Variants in OCA2 observed in about 807,000 individuals in gnomAD.
OCA2 encodes OCA2 melanosomal transmembrane protein.
In OCA2, 77 loss-of-function variants were observed where a neutral mutation model predicts 100.2. That is an observed-to-expected ratio of 0.77 (90% CI 0.64 to 0.93). The LOEUF is 0.93. Ranked by LOEUF, OCA2 falls within the 40% of genes least tolerant of loss-of-function variation. The pLI is 0.00. For missense variants in OCA2, 1,062 were observed against 1,089.1 expected, an observed-to-expected ratio of 0.98 and a Z score of 0.35; for synonymous variants, 432 against 439.2, an observed-to-expected ratio of 0.98 and a Z score of 0.21.
At chr15:27,871,132 G>C (rs774473616) in intron 21 of OCA2, 22 bp downstream of exon 21, 12 of 1,581,922 alleles carry the variant, frequency 7.6e-6, no homozygotes, top group Non-Finnish European at 9.6e-6. Flanking sequence ...TTGAGCCGTC[G>C]ACATGGACAT....
chr15:28,036,616 C>T (rs1357027805), intron 2 of OCA2, among the ~76,000 whole-genome samples: 1 of 152,186 alleles, frequency 6.6e-6, no homozygotes, highest in Non-Finnish European at 1.5e-5. Flanking sequence ...TCTTCTTCAA[C>T]AGCTTCCTCA....
Position 28,024,959 on chromosome 15 carries a change from TC to T in OCA2, c.516-58del, listed in dbSNP as rs977057241. 22 of 1,533,942 alleles carry T rather than the reference TC, an allele frequency of 1.4e-5. No individual in the cohort carries two copies. The African/African-American group carries it at 2.2e-4, about 15-fold the overall frequency. ...AGGGCAGCAGTCCTGTTGCCCAGACTCAGACACTTTTCTGCAGCCTTGAGTA... is the reference window on the plus strand; with the variant it reads ...AGGGCAGCAGTCCTGTTGCCCAGACTAGACACTTTTCTGCAGCCTTGAGTA... On this transcript the variant is annotated intron_variant, in intron 4 of 23. Coordinates refer to ENST00000354638, the MANE Select transcript of OCA2 (RefSeq NM_000275.3).
chr15:27,782,813 C>T (rs1039879140), intron 23 of OCA2, among the ~76,000 whole-genome samples: 2 of 152,238 alleles, frequency 1.3e-5, no homozygotes, highest in Non-Finnish European at 2.9e-5. Flanking sequence ...ACATTGAAAG[C>T]CTACTATCCC....
intron 3 of OCA2, among the ~76,000 whole-genome samples, chr15:28,031,577 G>A (rs1051268449): frequency 2.1e-4 from 32 of 152,222 alleles, no homozygotes; most frequent in African/African-American, 7.7e-4. Flanking sequence ...AGGAAATTGA[G>A]TTTTCTTGTG....
intron 19 of OCA2, among the ~76,000 whole-genome samples, chr15:27,905,500 C>T (rs1474978332): frequency 6.6e-6 from 1 of 152,152 alleles, no homozygotes; most frequent in Non-Finnish European, 1.5e-5. Context: ...CCAGAACGGG[C>T]CAGGGGGAAC....
At chr15:27,918,440 A>C (rs2038746239) in intron 19 of OCA2, among the ~76,000 whole-genome samples, 1 of 152,170 alleles carries the variant, frequency 6.6e-6, no homozygotes, top group African/African-American at 2.4e-5. Flanking sequence ...CCAAATAAAA[A>C]CATGAAGGTT....
At chr15:28,011,040 T>A (rs1005394018) in intron 9 of OCA2, among the ~76,000 whole-genome samples, 4 of 152,336 alleles carry the variant, frequency 2.6e-5, no homozygotes, top group African/African-American at 9.6e-5. Flanking sequence ...ATATGTCCGA[T>A]TAATTTTTAA....
chr15:27,813,160 C>T (rs889623139), intron 23 of OCA2, among the ~76,000 whole-genome samples: 11 of 152,152 alleles, frequency 7.2e-5, no homozygotes, highest in African/African-American at 2.7e-4. Context: ...GGTGGCATTG[C>T]CTCAGGAGTG....
At chr15:27,725,530 T>C in the OCA2 span, among the ~76,000 whole-genome samples, 10 of 152,330 alleles carry the variant, frequency 6.6e-5, no homozygotes, top group South Asian at 1.5e-3. Flanking sequence ...GTTGTGCCAC[T>C]GCACTCCAGC....
intron 1 of OCA2, among the ~76,000 whole-genome samples, chr15:28,083,258 G>T (rs749892365): frequency 6.6e-6 from 1 of 152,218 alleles, no homozygotes; most frequent in Non-Finnish European, 1.5e-5. Flanking sequence ...GCCAAGCACT[G>T]ACAGCCCCAG....
chr15:28,067,336 G>T (rs375936737), intron 2 of OCA2, among the ~76,000 whole-genome samples: 1 of 151,782 alleles, frequency 6.6e-6, no homozygotes, highest in African/African-American at 2.4e-5. Context: ...TTGATCTTTC[G>T]TATGGATTTT....
the OCA2 span, among the ~76,000 whole-genome samples, chr15:27,736,857 T>A: frequency 1.3e-5 from 2 of 152,156 alleles, no homozygotes; most frequent in Non-Finnish European, 2.9e-5. Context: ...AGTGCAATAA[T>A]TTGAGAAATG....
chr15:27,908,189 G>T (rs986710218), intron 19 of OCA2, among the ~76,000 whole-genome samples: 1 of 151,910 alleles, frequency 6.6e-6, no homozygotes, highest in South Asian at 2.1e-4. Flanking sequence ...TCATAAAAAA[G>T]ATAATTCATT....
At chr15:27,743,513 G>A in the OCA2 span, among the ~76,000 whole-genome samples, 3 of 152,084 alleles carry the variant, frequency 2.0e-5, no homozygotes, top group Non-Finnish European at 2.9e-5. Flanking sequence ...GCTCTCCTCC[G>A]TCTGCCCAGG....
intron 9 of OCA2, among the ~76,000 whole-genome samples, chr15:28,005,123 C>T (rs750528231): frequency 3.3e-5 from 5 of 152,158 alleles, no homozygotes; most frequent in Non-Finnish European, 7.3e-5. Flanking sequence ...TGGGAGGCTC[C>T]TCTCACACTG....
chr15:27,953,361 C>T (rs1022665010), intron 17 of OCA2, among the ~76,000 whole-genome samples: 1 of 152,192 alleles, frequency 6.6e-6, no homozygotes, highest in African/African-American at 2.4e-5. Flanking sequence ...GCATCTGCCC[C>T]TCCCTGCCCA....
At chr15:27,964,708 C>T (rs1270024997) in intron 15 of OCA2, among the ~76,000 whole-genome samples, 4 of 152,184 alleles carry the variant, frequency 2.6e-5, no homozygotes, top group East Asian at 1.9e-4. Context: ...ATGCTCTGTA[C>T]ACCACCACAG....
At chr15:27,783,549 A>T (rs1025527344) in intron 23 of OCA2, among the ~76,000 whole-genome samples, 1 of 152,194 alleles carries the variant, frequency 6.6e-6, no homozygotes, top group Admixed American at 6.5e-5. Context: ...TGCAAGGAAA[A>T]ATGGGATGTG....
chr15:27,948,622 C>T (rs2039924350), intron 18 of OCA2, among the ~76,000 whole-genome samples: 1 of 152,056 alleles, frequency 6.6e-6, no homozygotes, highest in Non-Finnish European at 1.5e-5. Flanking sequence ...TGCACCACCA[C>T]ACCCAGCTAA....
Sources: allele counts gnomAD v4.1 joint callset (sites outside exome capture counted in the v4.1 genomes callset), GRCh38; gene constraint gnomAD v4.1.1; transcripts MANE v1.5; gene names NCBI Gene and HGNC (gene_info 2026-07-23, HGNC 2026-07-21).